Variants in MPHOSPH9 observed in about 807,000 individuals in gnomAD.
MPHOSPH9 encodes M-phase phosphoprotein 9.
In MPHOSPH9, 88 loss-of-function variants were observed where a neutral mutation model predicts 145.5. The ratio of observed to expected loss-of-function variants is 0.60; its 90% CI spans 0.51 to 0.72. MPHOSPH9 has a LOEUF of 0.72. MPHOSPH9 is among the 30% of genes least tolerant of loss of function. The pLI is 0.00. For synonymous variants in MPHOSPH9, 435 were observed against 486.2 expected (o/e 0.89, Z 1.39); for missense variants, 1,238 against 1,386.6 (o/e 0.89, Z 1.70).
chr12:123,191,849 G>A (rs939785591), intron 13 of MPHOSPH9, among the ~76,000 whole-genome samples: 5 of 152,104 alleles, frequency 3.3e-5, no homozygotes, highest in South Asian at 2.1e-4. Context: ...GTAAAGAACC[G>A]CAATCCACTG....
chr12:123,160,711 C>T, intron 23 of MPHOSPH9, 70 bp downstream of exon 23: 7 of 1,404,994 alleles, frequency 5.0e-6, no homozygotes, highest in South Asian at 1.2e-5. Context: ...ATTTTTTAAA[C>T]CCCTCTTAGA....
intron 4 of MPHOSPH9, 24 bp from the exon 5 acceptor site, chr12:123,221,919 T>G (rs2047216593): frequency 1.5e-6 from 2 of 1,343,256 alleles, no homozygotes; most frequent in Non-Finnish European, 2.0e-6. Context: ...GTTATAGATT[T>G]GGGTAAGAAA....
chr12:123,206,354 C>A (rs998962655), intron 8 of MPHOSPH9, among the ~76,000 whole-genome samples: 6 of 151,560 alleles, frequency 4.0e-5, no homozygotes, highest in African/African-American at 1.5e-4. Context: ...CCCAGCTACT[C>A]AGGAGGCTGA....
Position 123,156,680 on chromosome 12 carries a change from A to C in MPHOSPH9, c.*127T>G, listed in dbSNP as rs2043877254. The C allele has an allele frequency of 5.4e-6, 3 of 556,212 alleles. No individual in the cohort carries two copies. The highest frequency in any genetic ancestry group is 8.9e-6 in the Non-Finnish European group (3 of 336,312). The allele number at this position is 556,212 out of a possible 1,614,324, so 34.5% of individuals were successfully genotyped here. On this transcript the variant is annotated 3_prime_UTR_variant, in exon 24 of 24. Transcript: ENST00000606320. ...TTTGAAGTATAAAATAGCAAGTGTA[A>C]GAATAGCATGATTGTAAAACTACTG...
chr12:123,232,234 T>C (rs535508154), intron 1 of MPHOSPH9, among the ~76,000 whole-genome samples: 1 of 151,890 alleles, frequency 6.6e-6, no homozygotes, highest in Non-Finnish European at 1.5e-5. Context: ...TTTCCCCTGC[T>C]AAGGTAATCC....
chr12:123,161,912 T>C (rs2044125560), intron 21 of MPHOSPH9, among the ~76,000 whole-genome samples: 1 of 152,192 alleles, frequency 6.6e-6, no homozygotes, highest in Non-Finnish European at 1.5e-5. Flanking sequence ...CAACATTCCC[T>C]GTACCTCAGT....
chr12:123,161,422 A>G (rs1304749396), intron 21 of MPHOSPH9, 39 bp from the exon 22 acceptor site: 2 of 1,607,452 alleles, frequency 1.2e-6, no homozygotes, highest in East Asian at 2.2e-5. Context: ...TTTCTTATCA[A>G]TTTTTCGTGT....
intron 20 of MPHOSPH9, 32 bp from the exon 21 acceptor site, chr12:123,162,250 A>G: frequency 7.9e-7 from 1 of 1,259,684 alleles, no homozygotes; most frequent in Non-Finnish European, 1.1e-6. Flanking sequence ...TTGTGAGAAA[A>G]AAAATGTTAA....
In MPHOSPH9 at chr12:123,156,257, G is replaced by C. The variant is rs1329097041; in HGVS notation, c.*550C>G. ...TCATGTAGTTTTCAAAGCTTTCCAAGAGTCCATTATTACTATTCTGATATT... is the reference window on the plus strand; with the variant it reads ...TCATGTAGTTTTCAAAGCTTTCCAACAGTCCATTATTACTATTCTGATATT... On this transcript the variant is annotated 3_prime_UTR_variant, in exon 24 of 24. Transcript: ENST00000606320. 1 of 152,146 alleles carries C rather than the reference G, an allele frequency of 6.6e-6. No homozygotes were observed. Among genetic ancestry groups the C allele is most frequent in the African/African-American group, 2.4e-5 (1 of 41,426 alleles). The allele number at this position is 152,146 out of a possible 1,614,324, so 9.4% of individuals were successfully genotyped here.
chr12:123,188,418 G>C (rs970249527), intron 13 of MPHOSPH9, among the ~76,000 whole-genome samples: 1 of 151,976 alleles, frequency 6.6e-6, no homozygotes, highest in Non-Finnish European at 1.5e-5. Flanking sequence ...TATTATAACA[G>C]GCTATATTTC....
At chr12:123,175,203 T>C (rs999140379) in intron 16 of MPHOSPH9, among the ~76,000 whole-genome samples, 1 of 151,442 alleles carries the variant, frequency 6.6e-6, no homozygotes, top group Non-Finnish European at 1.5e-5. Context: ...CAGGCTGGAG[T>C]GCAGTGGCGC....
At chr12:123,239,879 T>G (rs766810996) in intron 1 of MPHOSPH9, among the ~76,000 whole-genome samples, 1 of 152,174 alleles carries the variant, frequency 6.6e-6, no homozygotes, top group Non-Finnish European at 1.5e-5. Flanking sequence ...ACGATTTCCT[T>G]GCCCTCCCAT....
chr12:123,169,787 G>C (rs978998470), intron 16 of MPHOSPH9, among the ~76,000 whole-genome samples: 1 of 151,726 alleles, frequency 6.6e-6, no homozygotes, highest in Non-Finnish European at 1.5e-5. Flanking sequence ...TTTTAGAAGT[G>C]ACGGGGTTTC....
At chr12:123,174,821 C>T (rs1215883040) in intron 16 of MPHOSPH9, among the ~76,000 whole-genome samples, 1 of 152,174 alleles carries the variant, frequency 6.6e-6, no homozygotes, top group African/African-American at 2.4e-5. Context: ...CTAAGTTCAA[C>T]ACATGAACTA....
intron 12 of MPHOSPH9, among the ~76,000 whole-genome samples, chr12:123,197,956 C>T (rs1019775839): frequency 4.0e-5 from 6 of 151,354 alleles, no homozygotes; most frequent in East Asian, 1.9e-4. Context: ...TGGTGGAGGG[C>T]GCCTGTAGTC....
intron 22 of MPHOSPH9, 102 bp from the exon 23 acceptor site, chr12:123,160,951 A>T: frequency 7.2e-7 from 1 of 1,382,168 alleles, no homozygotes; most frequent in Non-Finnish European, 9.9e-7. Flanking sequence ...TGTCCATTTC[A>T]TCTCAACTTA....
rs143187593 is a variant in MPHOSPH9 at position 123,194,549 on chromosome 12, T to C, written c.2078A>G (p.Gln693Arg). 17 of 1,612,954 alleles carry C rather than the reference T, an allele frequency of 1.1e-5. No individual in the cohort carries two copies. In the African/African-American group the frequency reaches 2.0e-4, roughly 19 times the overall value. Residue 693 changes from glutamine (Q) to arginine (R), a missense_variant, in exon 13 of 24, where the codon CAG (glutamine) becomes CGG (arginine). Physicochemically the swap from Gln to Arg is conservative, Grantham distance 43. Around this residue, in one of 3 missense-constraint regions of MPHOSPH9, gnomAD observed 837 missense variants for 897.5 expected, o/e 0.93. Transcript: ENST00000606320. ...TGTTCTCATTTCTTCAATTCGTTCC[T>C]GCAAAATTTTGGAAGCACTGCTGGC... Reference protein sequence around the residue: ...SAASSASKILQERIEEMRTSS... With the variant: ...SAASSASKILRERIEEMRTSS...
rs538922131 is a variant in MPHOSPH9, at chr12:123,159,143, G to A, written c.3450+1638C>T. On this transcript the variant is annotated intron_variant, in intron 23 of 23. Transcript: ENST00000606320. This position sits in a 1 kb window ranked among gnomAD's most constrained non-coding sequence, Gnocchi z 4.3. ...GACAACCCCACACCTTTTAAAAAAT[G>A]ATCACATTGGCAGGTATTTTTTTTT... is the stretch of plus-strand genomic sequence containing the variant. 3.3e-5 allele frequency among the ~76,000 whole-genome samples: 5 copies of A among 152,160 alleles called. No homozygotes were observed. In the South Asian group the frequency reaches 6.2e-4, roughly 19 times the overall value.
Position 123,176,708 on chromosome 12 carries a change from G to C in MPHOSPH9, c.2436C>G (p.His812Gln). 1.2e-6 allele frequency: 2 copies of C among 1,613,548 alleles called. No homozygotes were observed. The highest frequency in any genetic ancestry group is 1.7e-6 in the Non-Finnish European group (2 of 1,179,600). Residue 812 changes from histidine (H) to glutamine (Q), a missense_variant, in exon 16 of 24, where the codon CAC (histidine) becomes CAG (glutamine). Physicochemically the swap from His to Gln is conservative, Grantham distance 24. Around this residue, in one of 3 missense-constraint regions of MPHOSPH9, gnomAD observed 393 missense variants for 462.5 expected, o/e 0.85. Transcript: ENST00000606320. ...MLSLRHNSRI[H>Q]VRPSRANTLA... The stretch of plus-strand genomic sequence containing the variant: ...CTTACTTGGCACGCGAGGGTCTCAC[G>C]TGAATTCTAGAATTATGACGAAGGC...
Sources: gnomAD v4.1 joint callset for allele counts (sites outside exome capture counted in the v4.1 genomes callset) on GRCh38, gnomAD v4.1.1 for gene constraint, gnomAD v4.1.1 regional missense constraint, Gnocchi (gnomAD v3.1) non-coding constraint, MANE v1.5 for transcripts, NCBI Gene and HGNC (gene_info 2026-07-23, HGNC 2026-07-21) for gene names.